SLCO2A1: variants seen among roughly 807,000 people sequenced by gnomAD.
SLCO2A1 encodes the protein matrin F/G 1.
A neutral mutation model predicts 71.7 loss-of-function variants in SLCO2A1; 60 were observed. The ratio of observed to expected loss-of-function variants is 0.84; its 90% CI spans 0.68 to 1.04. SLCO2A1 has a LOEUF of 1.04. Among genes scored for constraint, SLCO2A1 ranks in the 50% least tolerant of loss-of-function variants. The probability of loss-of-function intolerance (pLI) is 0.00; values close to 1 mark genes in which losing one functional copy is unlikely to be tolerated. For missense variants in SLCO2A1, 745 were observed against 813.4 expected (o/e 0.92, Z 1.02); for synonymous variants, 308 against 326.7 (o/e 0.94, Z 0.62).
At chr3:133,958,334 A>G (rs1287154587) in intron 3 of SLCO2A1, among the ~76,000 whole-genome samples, 1 of 152,194 alleles carries the variant, frequency 6.6e-6, no homozygotes, top group East Asian at 1.9e-4. Flanking sequence ...AGGACCAAGC[A>G]CAGCAGAGGG....
At chr3:133,945,452 C>T (rs1351831194) in intron 9 of SLCO2A1, among the ~76,000 whole-genome samples, 192 bp from the exon 10 acceptor site, 3 of 152,174 alleles carry the variant, frequency 2.0e-5, no homozygotes, top group African/African-American at 4.8e-5. Context: ...TTAGTGGTCA[C>T]GGCATCTCTC....
At chr3:133,938,383 C>T in intron 12 of SLCO2A1, 46 bp downstream of exon 12, 1 of 1,547,808 alleles carries the variant, frequency 6.5e-7, no homozygotes, top group Non-Finnish European at 8.9e-7. Flanking sequence ...TCAGATGCCC[C>T]ATCGCCTGGG....
intron 1 of SLCO2A1, among the ~76,000 whole-genome samples, chr3:133,996,434 C>CTG (rs1462315359): frequency 6.6e-6 from 1 of 152,234 alleles, no homozygotes; most frequent in African/African-American, 2.4e-5. Context: ...GCATGGACGC[C>CTG]TGTCGGCTCT....
chr3:133,983,106 A>G (rs1934631303), intron 1 of SLCO2A1, among the ~76,000 whole-genome samples: 1 of 152,186 alleles, frequency 6.6e-6, no homozygotes, highest in African/African-American at 2.4e-5. Flanking sequence ...AATATGGGCC[A>G]ATCTTAGCTC....
At chr3:134,024,940 T>C (rs1253297664) in intron 1 of SLCO2A1, among the ~76,000 whole-genome samples, 1 of 151,968 alleles carries the variant, frequency 6.6e-6, no homozygotes, top group African/African-American at 2.4e-5. Context: ...ACTCAGTTTA[T>C]TCTAACAGGC....
At chr3:134,014,945 T>A (rs905822616) in intron 1 of SLCO2A1, among the ~76,000 whole-genome samples, 1 of 152,054 alleles carries the variant, frequency 6.6e-6, no homozygotes, top group Non-Finnish European at 1.5e-5. Flanking sequence ...AACATACCAA[T>A]CAGCTAAGGG....
Position 133,955,152 on chromosome 3 carries a change from A to G in SLCO2A1, c.439T>C (p.Trp147Arg). ...RLQAELCQKH[W>R]QDLPPSKCHS... is the part of the protein sequence containing the mutation. ...CACTTACTGGGAGGCAGGTCCTGCC[A>G]ATGCTTCTGGCAGAGCTCGGCCTGC... The change falls in exon 4 of 14, where the codon TGG becomes CGG. Residue 147 changes from tryptophan (W) to arginine (R), a missense_variant. Transcript: ENST00000310926. The G allele has an allele frequency of 6.2e-7, 1 of 1,614,078 alleles. No homozygotes were observed. The highest frequency in any genetic ancestry group is 8.5e-7 in the Non-Finnish European group (1 of 1,179,984).
At chr3:133,956,263 C>T (rs1030522724) in intron 3 of SLCO2A1, among the ~76,000 whole-genome samples, 2 of 152,146 alleles carry the variant, frequency 1.3e-5, no homozygotes, top group Admixed American at 1.3e-4. Flanking sequence ...TAGCCCTGCT[C>T]CTCACACTGG....
chr3:133,970,449 C>A (rs999824761), intron 3 of SLCO2A1, among the ~76,000 whole-genome samples: 1 of 152,236 alleles, frequency 6.6e-6, no homozygotes, highest in Non-Finnish European at 1.5e-5. Flanking sequence ...GACGACCTTG[C>A]ATGATTCAAA....
Position 133,987,216 on chromosome 3 carries a change from T to TA in SLCO2A1, c.97-7599dup, listed in dbSNP as rs1208554602. ...CCTCAGCCAGAGTACTCTTAAAATT[T>TA]AACCTGAAAGACTGGTTCAGGTCTC... On this transcript the variant is annotated intron_variant, in intron 1 of 13. Transcript: ENST00000310926. 8.1e-5 allele frequency among the ~76,000 whole-genome samples: 11 copies of TA among 135,650 alleles called. No individual in the cohort carries two copies. In the East Asian group the frequency reaches 2.7e-3, roughly 33 times the overall value. 89.0% of individuals were successfully genotyped at this position (135,650 alleles called of 152,430 possible).
intron 3 of SLCO2A1, among the ~76,000 whole-genome samples, chr3:133,964,591 G>A (rs1187467972): frequency 6.6e-6 from 1 of 152,198 alleles, no homozygotes; most frequent in African/African-American, 2.4e-5. Context: ...GAGTGTGCTT[G>A]GAGAAGTTCA....
intron 1 of SLCO2A1, among the ~76,000 whole-genome samples, chr3:133,994,500 C>T (rs1339399888): frequency 1.3e-5 from 2 of 152,248 alleles, no homozygotes. Flanking sequence ...CTTGCTGTCC[C>T]TGTGTTCTAG....
At chr3:134,014,976 A>T (rs920392053) in intron 1 of SLCO2A1, among the ~76,000 whole-genome samples, 3 of 152,248 alleles carry the variant, frequency 2.0e-5, no homozygotes, top group Non-Finnish European at 1.5e-5. Flanking sequence ...GCTGGAGCAC[A>T]TAAATACATA....
At position 133,934,775 on chromosome 3, in the gene SLCO2A1, T is replaced by G. The variant is rs747565677; in HGVS notation, c.1870A>C (p.Ile624Leu). The G allele has an allele frequency of 1.7e-5, 28 of 1,613,094 alleles. No individual in the cohort carries two copies. Among genetic ancestry groups the G allele is most frequent in the Non-Finnish European group, 2.4e-5 (28 of 1,179,994 alleles). ...TTGTTCTTCTTCACCCTCCAGCTGA[T>G]GAAGCAAAGCAGCAGCATGCCCAGC... ...KALGMLLLCF[I>L]SWRVKKNKEY... Residue 624 changes from isoleucine to leucine, a missense_variant, in exon 14 of 14, where the codon ATC (isoleucine) becomes CTC (leucine). Transcript: ENST00000310926.
intron 11 of SLCO2A1, among the ~76,000 whole-genome samples, chr3:133,939,856 T>A (rs958692556): frequency 4.6e-5 from 7 of 152,170 alleles, no homozygotes; most frequent in African/African-American, 1.4e-4. Context: ...TGACCTCTCT[T>A]TCTCCTTCCA....
At chr3:133,954,153 CTTTTTTTTTTTTT>C (rs60871049) in intron 4 of SLCO2A1, among the ~76,000 whole-genome samples, 2 of 60,898 alleles carry the variant, frequency 3.3e-5, no homozygotes, top group Admixed American at 2.3e-4. Context: ...GTGGTGTGTT[CTTTTTTTTTTTTT>C]TTTTTTTTTT....
At position 133,955,066 on chromosome 3, in the gene SLCO2A1, A is replaced by G; in HGVS notation, c.525T>C (p.Val175=). Reference sequence around the variant, plus strand: ...TCCCGATGCCAGCCAGCAGCTGGGCAACCACCATCAGGCCCCACATGCTGC... The same window carrying G: ...TCCCGATGCCAGCCAGCAGCTGGGCGACCACCATCAGGCCCCACATGCTGC... ...ETSSMWGLMV[V]AQLLAGIGTV... The change falls in exon 4 of 14, where the codon GTT becomes GTC. Residue 175 remains valine, a synonymous_variant. Transcript: ENST00000310926. 1 of 1,614,148 alleles carries G rather than the reference A, an allele frequency of 6.2e-7. No individual in the cohort carries two copies.
rs55876992 is a variant in SLCO2A1, at chr3:133,962,448, G to GAA, written c.398-7257_398-7256dup. Among the ~76,000 whole-genome samples the GAA allele has an allele frequency of 4.4e-3, 660 of 150,846 alleles. 3 individuals are homozygous for GAA. Among genetic ancestry groups the GAA allele is most frequent in the Non-Finnish European group, 5.5e-3 (373 of 67,690 alleles). ...ATAAGAGGACACACATTTTAAAAAA[G>GAA]AAAAAAAAATAGGAGGACAGGGATA... On this transcript the variant is annotated intron_variant, in intron 3 of 13. Transcript: ENST00000310926.
chr3:133,973,919 G>A (rs1288439818), intron 2 of SLCO2A1, 94 bp from the exon 3 acceptor site: 2 of 1,283,178 alleles, frequency 1.6e-6, no homozygotes, highest in Non-Finnish European at 2.1e-6. Flanking sequence ...AGGAAAACTG[G>A]AAAGGGAGGG....
Sources: gnomAD v4.1 joint callset for allele counts (sites outside exome capture counted in the v4.1 genomes callset) on GRCh38, gnomAD v4.1.1 for gene constraint, MANE v1.5 for transcripts, NCBI Gene and HGNC (gene_info 2026-07-23, HGNC 2026-07-21) for gene names.